Variants in KCNMA1 observed in about 807,000 individuals in gnomAD.
KCNMA1 encodes Calcium-activated potassium channel subunit alpha-1.
KCNMA1 carries 29 observed loss-of-function variants against 140.0 expected under a neutral mutation model. The ratio of observed to expected loss-of-function variants is 0.21; its 90% CI spans 0.15 to 0.28. KCNMA1 has a LOEUF of 0.28. Ranked by LOEUF, KCNMA1 falls within the 10% of genes least tolerant of loss-of-function variation. The pLI, the probability that KCNMA1 is intolerant of heterozygous loss-of-function variation, is 1.00. For synonymous variants in KCNMA1, 612 were observed against 611.9 expected (o/e 1.00, Z 0.00); for missense variants, 880 against 1,602.2 (o/e 0.55, Z 7.70).
intron 5 of KCNMA1, among the ~76,000 whole-genome samples, chr10:77,155,204 T>A (rs2098469375): frequency 6.6e-6 from 1 of 152,154 alleles, no homozygotes; most frequent in African/African-American, 2.4e-5. Context: ...GTTGACATTT[T>A]AAAAGATCCC....
chr10:77,174,538 T>C (rs1011922944), intron 5 of KCNMA1, among the ~76,000 whole-genome samples: 1 of 152,166 alleles, frequency 6.6e-6, no homozygotes, highest in Non-Finnish European at 1.5e-5. Flanking sequence ...GAAAAACAGC[T>C]GGTAGGATGG....
At position 77,569,528 on chromosome 10, in the gene KCNMA1, G is replaced by C. The variant is rs1226653635; in HGVS notation, c.378+67737C>G. Among the ~76,000 whole-genome samples the C allele has an allele frequency of 2.2e-3, 334 of 150,694 alleles. 2 individuals are homozygous for C. Among genetic ancestry groups the C allele is most frequent in the African/African-American group, 7.9e-3 (325 of 41,108 alleles). On this transcript the variant is annotated intron_variant, in intron 1 of 27. Coordinates refer to ENST00000286628, the MANE Select transcript of KCNMA1 (RefSeq NM_001161352.2). ...TAAATGGTGCTGGGAAAACTGGCTA[G>C]CCATATGTAGAAAGCTGAAACTGGA...
At chr10:77,520,193 A>C (rs2052695534) in intron 1 of KCNMA1, among the ~76,000 whole-genome samples, 1 of 141,498 alleles carries the variant, frequency 7.1e-6, no homozygotes, top group African/African-American at 2.7e-5. Context: ...ATGCAGTGTG[A>C]GGGTGTGCAG....
intron 19 of KCNMA1, among the ~76,000 whole-genome samples, chr10:76,978,987 C>A (rs1265755474): frequency 1.3e-5 from 2 of 152,094 alleles, no homozygotes; most frequent in Non-Finnish European, 2.9e-5. Context: ...ATGAAACTAT[C>A]ATTTATCTTG....
intron 1 of KCNMA1, among the ~76,000 whole-genome samples, chr10:77,460,386 T>C (rs2097843709): frequency 6.6e-6 from 1 of 152,180 alleles, no homozygotes; most frequent in Non-Finnish European, 1.5e-5. Context: ...ACCCCACTAA[T>C]GAGTATCTAC....
intron 2 of KCNMA1, among the ~76,000 whole-genome samples, chr10:77,302,671 C>T (rs902828812): frequency 3.9e-5 from 6 of 152,082 alleles, no homozygotes; most frequent in African/African-American, 1.4e-4. Context: ...TGTCTACCAC[C>T]CAAAGTCAGG....
intron 18 of KCNMA1, among the ~76,000 whole-genome samples, chr10:77,004,373 A>G (rs1392171729): frequency 6.6e-6 from 1 of 152,168 alleles, no homozygotes; most frequent in Non-Finnish European, 1.5e-5. Context: ...GGTGCCACCA[A>G]CTGGGAAGGT....
intron 5 of KCNMA1, among the ~76,000 whole-genome samples, chr10:77,128,267 G>A (rs2097782146): frequency 6.6e-6 from 1 of 151,872 alleles, no homozygotes; most frequent in Non-Finnish European, 1.5e-5. Flanking sequence ...TTGGCTTAAA[G>A]TATTTTTCCT....
intron 16 of KCNMA1, among the ~76,000 whole-genome samples, chr10:77,024,590 G>A (rs1476480644): frequency 2.6e-5 from 4 of 152,112 alleles, no homozygotes; most frequent in African/African-American, 4.8e-5. Flanking sequence ...CATTGATGAT[G>A]ATTTAGTCAT....
rs2093739162 is a variant in KCNMA1 at position 77,029,311 on chromosome 10, G to T, written c.1860-1420C>A. On this transcript the variant is annotated intron_variant, in intron 15 of 27. Coordinates refer to ENST00000286628, the MANE Select transcript of KCNMA1 (RefSeq NM_001161352.2). ...TATTTAGCTCCAGCATTGTAAGGGG[G>T]ATAAGATACTGGGTCACAGTGTGGG... Among the ~76,000 whole-genome samples, 4 of 152,308 alleles carry T rather than the reference G, an allele frequency of 2.6e-5. No individual in the cohort carries two copies. The South Asian group carries it at 8.3e-4, about 32-fold the overall frequency.
chr10:77,296,545 C>T (rs1334721519), intron 2 of KCNMA1, among the ~76,000 whole-genome samples: 1 of 152,152 alleles, frequency 6.6e-6, no homozygotes, highest in Non-Finnish European at 1.5e-5. Context: ...GGGGGACCAT[C>T]AGCCATGCTT....
intron 23 of KCNMA1, among the ~76,000 whole-genome samples, chr10:76,933,628 C>T (rs1371896864): frequency 6.6e-6 from 1 of 152,162 alleles, no homozygotes; most frequent in Non-Finnish European, 1.5e-5. Context: ...TTTTCAAATT[C>T]TGGTCCCTTT....
At chr10:77,408,880 C>T (rs2096556161) in intron 1 of KCNMA1, among the ~76,000 whole-genome samples, 1 of 152,262 alleles carries the variant, frequency 6.6e-6, no homozygotes, top group South Asian at 2.1e-4. Flanking sequence ...GTAAAGCAGG[C>T]CACAGCTGCC....
chr10:77,517,761 A>G (rs79037708), intron 1 of KCNMA1, among the ~76,000 whole-genome samples: 15,869 of 152,206 alleles, frequency 0.1, 1,078 homozygotes, highest in Middle Eastern at 0.16. Flanking sequence ...ACAAGGAGGT[A>G]TCAAGCACCA....
At chr10:76,906,589 C>T (rs780950583) in intron 25 of KCNMA1, among the ~76,000 whole-genome samples, 3 of 152,148 alleles carry the variant, frequency 2.0e-5, no homozygotes, top group Non-Finnish European at 2.9e-5. Context: ...TGGGGAGGAG[C>T]GCTAGAATAA....
At chr10:77,323,909 A>G (rs1348010062) in intron 2 of KCNMA1, among the ~76,000 whole-genome samples, 1 of 152,220 alleles carries the variant, frequency 6.6e-6, no homozygotes, top group Non-Finnish European at 1.5e-5. Flanking sequence ...AGGCTGTCAT[A>G]GGTAAATCCT....
chr10:77,544,988 A>G (rs1055106449), intron 1 of KCNMA1, among the ~76,000 whole-genome samples: 2 of 152,302 alleles, frequency 1.3e-5, no homozygotes, highest in Admixed American at 6.5e-5. Context: ...TTCCTCCCCA[A>G]GTGATCCTTC....
chr10:77,069,037 AC>A (rs1267913662), intron 14 of KCNMA1, among the ~76,000 whole-genome samples: 1 of 152,120 alleles, frequency 6.6e-6, no homozygotes, highest in Non-Finnish European at 1.5e-5. Context: ...AAAAACAAAA[AC>A]AAAAACAAAT....
intron 2 of KCNMA1, among the ~76,000 whole-genome samples, chr10:77,257,458 G>A (rs554456846): frequency 6.6e-6 from 1 of 152,296 alleles, no homozygotes; most frequent in Non-Finnish European, 1.5e-5. Flanking sequence ...ATCAGATCAG[G>A]CAGAGAAGCA....
Sources: gnomAD v4.1 joint callset for allele counts (sites outside exome capture counted in the v4.1 genomes callset) on GRCh38, gnomAD v4.1.1 for gene constraint, MANE v1.5 for transcripts, NCBI Gene and HGNC (gene_info 2026-07-23, HGNC 2026-07-21) for gene names.